GATAD2B: variants seen among roughly 807,000 people sequenced by gnomAD.
The protein encoded by GATAD2B is transcriptional repressor p66-beta.
GATAD2B carries 8 observed loss-of-function variants against 64.3 expected under a neutral mutation model. That is an observed-to-expected ratio of 0.12 (90% CI 0.07 to 0.22). The LOEUF is 0.22. Among genes scored for constraint, GATAD2B ranks in the 10% least tolerant of loss-of-function variants. The pLI is 1.00. For missense variants in GATAD2B, 453 were observed against 752.0 expected (o/e 0.60, Z 4.65); for synonymous variants, 281 against 271.3 (o/e 1.04, Z -0.35).
At chr1:153,836,689 CA>C (rs1417363507) in intron 1 of GATAD2B, among the ~76,000 whole-genome samples, 1 of 152,076 alleles carries the variant, frequency 6.6e-6, no homozygotes, top group African/African-American at 2.4e-5. Flanking sequence ...CTCTTAAGTA[CA>C]CATAGCAAGA....
intron 1 of GATAD2B, among the ~76,000 whole-genome samples, chr1:153,893,838 A>G (rs1032917770): frequency 6.7e-6 from 1 of 149,476 alleles, no homozygotes; most frequent in Non-Finnish European, 1.5e-5. Context: ...GGTGCCCGTA[A>G]TCCCAGCTAC....
At chr1:153,862,118 CTT>C (rs754580519) in intron 1 of GATAD2B, among the ~76,000 whole-genome samples, 10 of 101,178 alleles carry the variant, frequency 9.9e-5, no homozygotes, top group African/African-American at 3.3e-4. Context: ...ACATTATATC[CTT>C]TTTTTTTTTT....
chr1:153,855,187 T>G (rs1676039664), intron 1 of GATAD2B, among the ~76,000 whole-genome samples: 1 of 151,652 alleles, frequency 6.6e-6, no homozygotes, highest in Non-Finnish European at 1.5e-5. Flanking sequence ...ATTGTCCGTA[T>G]TTTTTTGAAA....
Position 153,816,849 on chromosome 1 carries a change from C to T in GATAD2B, c.901-261G>A, listed in dbSNP as rs879831258. Among the ~76,000 whole-genome samples, 11 of 152,108 alleles carry T rather than the reference C, an allele frequency of 7.2e-5. No homozygotes were observed. Among genetic ancestry groups the T allele is most frequent in the South Asian group, 2.1e-4 (1 of 4,832 alleles). On this transcript the variant is annotated intron_variant, in intron 6 of 10. Coordinates refer to ENST00000368655, the MANE Select transcript of GATAD2B (RefSeq NM_020699.4). The surrounding 1 kb of genome is among the most constrained non-coding windows in gnomAD (Gnocchi z 4.9). ...CTATAATCTCAGCACTTTGGGAGGC[C>T]GAGGTAGGCAGATCACTTGAGGTGA...
intron 1 of GATAD2B, among the ~76,000 whole-genome samples, chr1:153,862,117 C>CT (rs1160441597): frequency 1.4e-4 from 17 of 123,990 alleles, no homozygotes; most frequent in South Asian, 2.7e-4. Context: ...TACATTATAT[C>CT]CTTTTTTTTT....
intron 1 of GATAD2B, among the ~76,000 whole-genome samples, chr1:153,829,032 C>T (rs79415871): frequency 0.052 from 7,904 of 151,584 alleles, 358 homozygotes; most frequent in East Asian, 0.17. Flanking sequence ...TGGTGAGACC[C>T]CATCTCTACA....
At chr1:153,841,839 T>C (rs764358192) in intron 1 of GATAD2B, among the ~76,000 whole-genome samples, 1 of 152,234 alleles carries the variant, frequency 6.6e-6, no homozygotes, top group Non-Finnish European at 1.5e-5. Context: ...GGTAAGTGAA[T>C]GTTCGGTTTT....
chr1:153,904,564 CAG>C (rs1051777818), intron 1 of GATAD2B, among the ~76,000 whole-genome samples: 2 of 152,132 alleles, frequency 1.3e-5, no homozygotes, highest in African/African-American at 4.8e-5. Context: ...CTTTGAGAGA[CAG>C]AGTCTCGCTC....
chr1:153,898,282 G>A (rs1355962008), intron 1 of GATAD2B, among the ~76,000 whole-genome samples: 1 of 142,776 alleles, frequency 7.0e-6, no homozygotes, highest in African/African-American at 2.6e-5. Flanking sequence ...ATTTCGGCCT[G>A]GGCAACAGAG....
rs1570967529 is a variant in GATAD2B, at chr1:153,860,802, A to T, written c.-1-32454T>A. Among the ~76,000 whole-genome samples the T allele has an allele frequency of 2.0e-5, 3 of 152,092 alleles. No individual in the cohort carries two copies. In the South Asian group the frequency reaches 6.2e-4, roughly 32 times the overall value. On this transcript the variant is annotated intron_variant, in intron 1 of 10. Transcript: ENST00000368655. ...CAGCCTCCCAAGTAGCTGGTACTAC[A>T]GGTGCATGCTACCACACATGGCTAA...
intron 1 of GATAD2B, among the ~76,000 whole-genome samples, chr1:153,910,586 A>T (rs1029424836): frequency 6.6e-6 from 1 of 152,096 alleles, no homozygotes; most frequent in African/African-American, 2.4e-5. Flanking sequence ...CTAAAAATAC[A>T]AAAATTAGCC....
Position 153,884,550 on chromosome 1 carries a change from C to T in GATAD2B, c.-2+38183G>A, listed in dbSNP as rs557511456. 3.3e-5 allele frequency among the ~76,000 whole-genome samples: 5 copies of T among 151,270 alleles called. No homozygotes were observed. In the South Asian group the frequency reaches 6.3e-4, roughly 19 times the overall value. On this transcript the variant is annotated intron_variant, in intron 1 of 10. Coordinates refer to ENST00000368655, the MANE Select transcript of GATAD2B (RefSeq NM_020699.4). ...CTGGGAGGATGACGCTGCAGTGAGC[C>T]GAGATCGTGCCACTGCACTCCAGCC...
At chr1:153,901,978 C>CAAA (rs35731326) in intron 1 of GATAD2B, among the ~76,000 whole-genome samples, 5 of 92,328 alleles carry the variant, frequency 5.4e-5, no homozygotes, top group African/African-American at 8.6e-5. Context: ...GACTCCGTCT[C>CAAA]AAAAAAAAAA....
At chr1:153,854,994 TAA>T (rs771446054) in intron 1 of GATAD2B, among the ~76,000 whole-genome samples, 11 of 152,206 alleles carry the variant, frequency 7.2e-5, no homozygotes, top group Non-Finnish European at 1.2e-4. Context: ...TGTTCTAGGT[TAA>T]GAGAGACTTA....
At chr1:153,859,454 G>C (rs1676200435) in intron 1 of GATAD2B, among the ~76,000 whole-genome samples, 1 of 151,626 alleles carries the variant, frequency 6.6e-6, no homozygotes, top group African/African-American at 2.4e-5. Context: ...TGGATCACCT[G>C]AGGTCAGGAG....
chr1:153,865,108 T>C (rs1676431769), intron 1 of GATAD2B, among the ~76,000 whole-genome samples: 1 of 151,310 alleles, frequency 6.6e-6, no homozygotes, highest in Non-Finnish European at 1.5e-5. Context: ...CATAATTTCT[T>C]ATTTAGTATA....
chr1:153,888,669 G>A (rs1273899008), intron 1 of GATAD2B, among the ~76,000 whole-genome samples: 1 of 152,150 alleles, frequency 6.6e-6, no homozygotes, highest in African/African-American at 2.4e-5. Context: ...AGAGAAAGTA[G>A]TTTTAGTAGT....
At chr1:153,914,561 GAGTATTTATTC>G (rs1328718530) in intron 1 of GATAD2B, 1 of 152,124 alleles carries the variant, frequency 6.6e-6, no homozygotes, top group African/African-American at 2.4e-5. Context: ...AAACCCATAG[GAGTATTTATTC>G]AGCAAATATT....
At chr1:153,819,553 A>T in intron 3 of GATAD2B, 53 bp downstream of exon 3, 1 of 1,254,602 alleles carries the variant, frequency 8.0e-7, no homozygotes, top group Non-Finnish European at 1.1e-6. Flanking sequence ...TTGAGGAATT[A>T]AATAAAATAG....
Sources: gnomAD v4.1 joint callset for allele counts (sites outside exome capture counted in the v4.1 genomes callset) on GRCh38, gnomAD v4.1.1 for gene constraint, Gnocchi (gnomAD v3.1) non-coding constraint, MANE v1.5 for transcripts, NCBI Gene and HGNC (gene_info 2026-07-23, HGNC 2026-07-21) for gene names.